KIF14: variants seen among roughly 807,000 people sequenced by gnomAD.
KIF14 encodes the protein kinesin-like protein KIF14.
A neutral mutation model predicts 176.2 loss-of-function variants in KIF14; 98 were observed. That is an observed-to-expected ratio of 0.56 (90% CI 0.47 to 0.66). The LOEUF (loss-of-function observed/expected upper bound fraction) is 0.66. Ranked by LOEUF, KIF14 falls within the 30% of genes least tolerant of loss-of-function variation. The pLI is 0.00. For missense variants in KIF14, 1,751 were observed against 1,920.4 expected (o/e 0.91, Z 1.65); for synonymous variants, 566 against 632.2 (o/e 0.90, Z 1.57).
At chr1:200,603,532 G>A (rs929982668) in intron 9 of KIF14, among the ~76,000 whole-genome samples, 191 bp from the exon 10 acceptor site, 3 of 151,688 alleles carry the variant, frequency 2.0e-5, no homozygotes, top group South Asian at 2.1e-4. Context: ...CTGTAGCCTC[G>A]ACCATCCAGG....
At chr1:200,576,587 T>G (rs1188921651) in intron 21 of KIF14, among the ~76,000 whole-genome samples, 9 of 152,176 alleles carry the variant, frequency 5.9e-5, no homozygotes, top group African/African-American at 2.2e-4. Flanking sequence ...CCATACTACT[T>G]TTGTTGTTCT....
At position 200,590,207 on chromosome 1, in the gene KIF14, A is replaced by G; in HGVS notation, c.2879T>C (p.Ile960Thr). Residue 960 changes from isoleucine (I) to threonine (T), a missense_variant, in exon 17 of 30, where the codon ATT (isoleucine) becomes ACT (threonine). Ile to Thr is a moderately conservative substitution (Grantham distance 89). Transcript: ENST00000367350. Reference protein sequence around the residue: ...AKEEMMQGIQIAKEMAQQELS... With the variant: ...AKEEMMQGIQTAKEMAQQELS... Reference sequence around the variant, plus strand: ...CTCTTGCTGAGCCATTTCTTTTGCAATCTGGATTCCTTGCATCATTTCTTC... The same window carrying G: ...CTCTTGCTGAGCCATTTCTTTTGCAGTCTGGATTCCTTGCATCATTTCTTC... The G allele has an allele frequency of 1.2e-6, 2 of 1,613,958 alleles. No individual in the cohort carries two copies. Among genetic ancestry groups the G allele is most frequent in the East Asian group, 2.2e-5 (1 of 44,878 alleles).
chr1:200,559,770 T>TC (rs1657030013), intron 26 of KIF14, among the ~76,000 whole-genome samples: 1 of 152,078 alleles, frequency 6.6e-6, no homozygotes, highest in Admixed American at 6.6e-5. Flanking sequence ...TTTTTTTTTT[T>TC]TGAAATGGAG....
chr1:200,583,425 G>A (rs1658567906), intron 19 of KIF14, among the ~76,000 whole-genome samples: 1 of 152,118 alleles, frequency 6.6e-6, no homozygotes, highest in Non-Finnish European at 1.5e-5. Flanking sequence ...TATGGTGTCT[G>A]GGATTTGCTT....
chr1:200,566,048 G>A (rs1027473105), intron 23 of KIF14, among the ~76,000 whole-genome samples: 2 of 152,118 alleles, frequency 1.3e-5, no homozygotes, highest in African/African-American at 4.8e-5. Context: ...TAGGATCACT[G>A]ATCAATAAAT....
intron 5 of KIF14, among the ~76,000 whole-genome samples, chr1:200,608,148 C>A (rs9427708): frequency 0.015 from 2,252 of 152,136 alleles, 26 homozygotes; most frequent in South Asian, 0.027. Context: ...GCTAAATAAT[C>A]CACTGAAATA....
rs1449275766 is a variant in KIF14, at chr1:200,553,442, T to C, written c.4893A>G (p.Ser1631=). The change falls in exon 30 of 30, where the codon TCA becomes TCG. Residue 1631 remains serine, a synonymous_variant. Coordinates refer to ENST00000367350, the MANE Select transcript of KIF14 (RefSeq NM_014875.3). ...VPKRVYELHG[S]SPAVSSEECT... ...ATTCCTCTGAGCTCACTGCTGGGGA[T>C]GAGCCATGGAGCTCATAGACACGCT... is the stretch of plus-strand genomic sequence containing the variant. The C allele has an allele frequency of 1.2e-6, 2 of 1,613,970 alleles. No individual in the cohort carries two copies. Among genetic ancestry groups the C allele is most frequent in the Admixed American group, 1.7e-5 (1 of 60,000 alleles).
chr1:200,572,582 ATCC>A (rs1657866096), intron 22 of KIF14, among the ~76,000 whole-genome samples: 1 of 152,142 alleles, frequency 6.6e-6, no homozygotes, highest in Non-Finnish European at 1.5e-5. Context: ...TGACCTTGTG[ATCC>A]GCCCACCTTG....
intron 21 of KIF14, among the ~76,000 whole-genome samples, chr1:200,578,960 G>A (rs1000101974): frequency 6.6e-6 from 1 of 152,044 alleles, no homozygotes; most frequent in Non-Finnish European, 1.5e-5. Flanking sequence ...GCATGGTGGT[G>A]GGCACCTGTA....
intron 24 of KIF14, 62 bp downstream of exon 24, chr1:200,565,382 CA>C: frequency 4.8e-6 from 7 of 1,449,102 alleles, no homozygotes; most frequent in Non-Finnish European, 6.5e-6. Context: ...TCACTCAAAA[CA>C]AAGTGCAATG....
rs182052734 is a variant in KIF14, at chr1:200,577,872, A to G, written c.3466-2181T>C. Among the ~76,000 whole-genome samples the G allele has an allele frequency of 2.7e-3, 415 of 152,252 alleles. 3 individuals are homozygous for G. The highest frequency in any genetic ancestry group is 9.6e-3 in the African/African-American group (399 of 41,566). ...TGTTCTAGAATAGTTTAAACAGAAT[A>G]AGATTTATCTGTTCTTTGGCAGTTT... On this transcript the variant is annotated intron_variant, in intron 21 of 29. Coordinates refer to ENST00000367350, the MANE Select transcript of KIF14 (RefSeq NM_014875.3).
At chr1:200,566,280 TTTC>T (rs1558050407) in intron 23 of KIF14, among the ~76,000 whole-genome samples, 1 of 151,210 alleles carries the variant, frequency 6.6e-6, no homozygotes, top group Non-Finnish European at 1.5e-5. Context: ...CTTTTCTTTC[TTTC>T]TTTTTTTTTT....
chr1:200,555,566 T>A (rs75006872), intron 27 of KIF14, 112 bp from the exon 28 acceptor site: 10,397 of 487,494 alleles, frequency 0.021, 459 homozygotes, highest in East Asian at 0.15. Flanking sequence ...GCCCAAAGAT[T>A]GGAGCTCTAT....
chr1:200,569,883 CAT>C (rs771492135), intron 23 of KIF14, 26 bp downstream of exon 23: 2 of 1,264,306 alleles, frequency 1.6e-6, no homozygotes, highest in South Asian at 2.7e-5. Flanking sequence ...CTTTTCTCGC[CAT>C]AGAGAAAATG....
intron 2 of KIF14, among the ~76,000 whole-genome samples, 176 bp from the exon 3 acceptor site, chr1:200,615,785 A>G (rs914947412): frequency 6.6e-6 from 1 of 152,224 alleles, no homozygotes; most frequent in Admixed American, 6.5e-5. Flanking sequence ...TTTCCAAAAT[A>G]TATTTCCTGA....
chr1:200,557,662 T>C (rs1656908790), intron 27 of KIF14, among the ~76,000 whole-genome samples: 1 of 152,188 alleles, frequency 6.6e-6, no homozygotes, highest in Admixed American at 6.5e-5. Flanking sequence ...GGAGAATCTC[T>C]GTGGCTTACA....
intron 22 of KIF14, among the ~76,000 whole-genome samples, chr1:200,570,470 G>C (rs573689103): frequency 2.0e-5 from 3 of 152,288 alleles, no homozygotes; most frequent in African/African-American, 4.8e-5. Context: ...GCCAAACAGA[G>C]GGCAGGCTTG....
At position 200,617,927 on chromosome 1, in the gene KIF14, G is replaced by A; in HGVS notation, c.797C>T (p.Thr266Ile). 1 of 1,613,910 alleles carries A rather than the reference G, an allele frequency of 6.2e-7. No individual in the cohort carries two copies. Among genetic ancestry groups the A allele is most frequent in the South Asian group, 1.1e-5 (1 of 91,066 alleles). ...TTCTAAGCTCCCAAATTTATTTGAA[G>A]TTTTTGCAATTTCCTTCCCAATACT... ...HRSIGKEIAK[T>I]SNKFGSLEKR... The change falls in exon 2 of 30, where the codon ACT (threonine) becomes ATT (isoleucine). Residue 266 changes from threonine to isoleucine, a missense_variant. Transcript: ENST00000367350.
chr1:200,573,072 G>GTA (rs1306345791), intron 22 of KIF14, among the ~76,000 whole-genome samples: 2 of 152,136 alleles, frequency 1.3e-5, no homozygotes, highest in Non-Finnish European at 2.9e-5. Flanking sequence ...CCCACCCACC[G>GTA]TAATAGGAGC....
Sources: allele counts gnomAD v4.1 joint callset (sites outside exome capture counted in the v4.1 genomes callset), GRCh38; gene constraint gnomAD v4.1.1; transcripts MANE v1.5; gene names NCBI Gene and HGNC (gene_info 2026-07-23, HGNC 2026-07-21).